The following KIAA0825 variants were observed in gnomAD, a reference collection of about 807,000 sequenced individuals.
The protein encoded by KIAA0825 is KIAA0825, also known as uncharacterized protein KIAA0825.
In KIAA0825, 119 loss-of-function variants were observed where a neutral mutation model predicts 147.6. That is an observed-to-expected ratio of 0.81 (90% CI 0.69 to 0.94). The LOEUF is 0.94. Among genes scored for constraint, KIAA0825 ranks in the 40% least tolerant of loss-of-function variants. KIAA0825 has a pLI of 0.00. For synonymous variants in KIAA0825, 470 were observed against 518.1 expected, an observed-to-expected ratio of 0.91 and a Z score of 1.26; for missense variants, 1,381 against 1,472.7, an observed-to-expected ratio of 0.94 and a Z score of 1.02.
chr5:94,324,773 A>G (rs551960155), intron 20 of KIAA0825, among the ~76,000 whole-genome samples: 23 of 151,928 alleles, frequency 1.5e-4, no homozygotes, highest in African/African-American at 5.1e-4. Flanking sequence ...GCACCATATT[A>G]TAGTCTACCT....
intron 20 of KIAA0825, among the ~76,000 whole-genome samples, chr5:94,343,872 A>G (rs973325031): frequency 6.6e-6 from 1 of 152,214 alleles, no homozygotes; most frequent in African/African-American, 2.4e-5. Context: ...AAGACATTTT[A>G]TGAAAGAGAC....
chr5:94,383,664 CTT>C (rs568012610), intron 20 of KIAA0825, among the ~76,000 whole-genome samples: 14 of 151,972 alleles, frequency 9.2e-5, no homozygotes, highest in Non-Finnish European at 1.8e-4. Flanking sequence ...TTTACTGAAA[CTT>C]TAAGTATTTA....
At chr5:94,223,565 C>T (rs563891221) in intron 20 of KIAA0825, among the ~76,000 whole-genome samples, 3 of 152,164 alleles carry the variant, frequency 2.0e-5, no homozygotes, top group African/African-American at 4.8e-5. Context: ...ACTTGACAAA[C>T]GTTTTCCAAG....
At chr5:94,598,157 C>T (rs778404745) in intron 1 of KIAA0825, among the ~76,000 whole-genome samples, 1 of 151,944 alleles carries the variant, frequency 6.6e-6, no homozygotes, top group Non-Finnish European at 1.5e-5. Flanking sequence ...TATTTTTTTA[C>T]TTTTGTGTAA....
intron 1 of KIAA0825, among the ~76,000 whole-genome samples, chr5:94,599,331 G>GTTTTTTTTT (rs57220290): frequency 6.1e-5 from 6 of 98,512 alleles, no homozygotes; most frequent in African/African-American, 1.3e-4. Flanking sequence ...GATTATTTGG[G>GTTTTTTTTT]TTTTTTTTTT....
intron 20 of KIAA0825, among the ~76,000 whole-genome samples, chr5:94,316,239 A>G (rs747112428): frequency 6.6e-6 from 1 of 151,742 alleles, no homozygotes; most frequent in Non-Finnish European, 1.5e-5. Flanking sequence ...GAATTTCTAT[A>G]CTTTTACTAT....
At chr5:94,232,368 G>A (rs1489563741) in intron 20 of KIAA0825, among the ~76,000 whole-genome samples, 2 of 152,014 alleles carry the variant, frequency 1.3e-5, no homozygotes, top group African/African-American at 4.8e-5. Context: ...AAGGAATTAA[G>A]GTCAGCTGAT....
At chr5:94,368,748 A>C (rs1184929205) in intron 20 of KIAA0825, among the ~76,000 whole-genome samples, 1 of 152,280 alleles carries the variant, frequency 6.6e-6, no homozygotes, top group East Asian at 1.9e-4. Flanking sequence ...CAAGGTTTCT[A>C]GGCTAAGGCC....
At chr5:94,359,831 C>T (rs1744821707) in intron 20 of KIAA0825, among the ~76,000 whole-genome samples, 1 of 152,156 alleles carries the variant, frequency 6.6e-6, no homozygotes, top group Non-Finnish European at 1.5e-5. Flanking sequence ...AATCAGAGTA[C>T]TTATTTGATT....
chr5:94,241,267 C>G (rs1775329527), intron 20 of KIAA0825, among the ~76,000 whole-genome samples: 1 of 152,148 alleles, frequency 6.6e-6, no homozygotes, highest in South Asian at 2.1e-4. Flanking sequence ...AAAATTTCAG[C>G]CACAGACTGA....
chr5:94,420,952 T>G (rs1450293313), intron 14 of KIAA0825, among the ~76,000 whole-genome samples: 1 of 152,114 alleles, frequency 6.6e-6, no homozygotes, highest in Non-Finnish European at 1.5e-5. Flanking sequence ...CTAAGCCTCA[T>G]CCTCCTCACA....
At chr5:94,560,115 C>T (rs1484585304) in intron 2 of KIAA0825, among the ~76,000 whole-genome samples, 2 of 152,214 alleles carry the variant, frequency 1.3e-5, no homozygotes, top group African/African-American at 4.8e-5. Context: ...CAAACCTCTT[C>T]TCTCCCTCCT....
chr5:94,598,682 C>T (rs1474603579), intron 1 of KIAA0825, among the ~76,000 whole-genome samples: 1 of 152,042 alleles, frequency 6.6e-6, no homozygotes, highest in Non-Finnish European at 1.5e-5. Context: ...GGTTTGTGTA[C>T]ACCAGCATTA....
At chr5:94,441,359 T>C (rs1393870428) in intron 13 of KIAA0825, among the ~76,000 whole-genome samples, 4 of 152,168 alleles carry the variant, frequency 2.6e-5, no homozygotes, top group African/African-American at 9.7e-5. Flanking sequence ...TTGATGCATG[T>C]AGGCAGTGCT....
chr5:94,539,520 T>G (rs2151359603), intron 2 of KIAA0825, among the ~76,000 whole-genome samples: 1 of 152,152 alleles, frequency 6.6e-6, no homozygotes, highest in East Asian at 1.9e-4. Flanking sequence ...GGGCAAGTGG[T>G]GGGGCCTGGT....
intron 20 of KIAA0825, 59 bp from the exon 21 acceptor site, chr5:94,154,183 A>G (rs1426786572): frequency 9.8e-7 from 1 of 1,022,142 alleles, no homozygotes. Flanking sequence ...GTCAACACTC[A>G]GTTAATCAAG....
intron 17 of KIAA0825, among the ~76,000 whole-genome samples, chr5:94,394,300 T>C (rs763244442): frequency 3.9e-5 from 6 of 152,206 alleles, no homozygotes; most frequent in Non-Finnish European, 7.4e-5. Context: ...TATATTGATA[T>C]CATTTCAGAA....
chr5:94,509,623 CAT>C (rs1346080453), intron 5 of KIAA0825, among the ~76,000 whole-genome samples: 1 of 152,160 alleles, frequency 6.6e-6, no homozygotes, highest in African/African-American at 2.4e-5. Flanking sequence ...ATAAAGACAA[CAT>C]ATGTCTCTTT....
chr5:94,396,055 G>C, intron 17 of KIAA0825, 46 bp downstream of exon 17: 1 of 1,384,440 alleles, frequency 7.2e-7, no homozygotes, highest in Non-Finnish European at 9.4e-7. Context: ...TTTTGTTATT[G>C]TGAAAGCATT....
Sources: allele counts gnomAD v4.1 joint callset (sites outside exome capture counted in the v4.1 genomes callset), GRCh38; gene constraint gnomAD v4.1.1; transcripts MANE v1.5; gene names NCBI Gene and HGNC (gene_info 2026-07-23, HGNC 2026-07-21).